PDXDC1: variants seen among roughly 807,000 people sequenced by gnomAD.
PDXDC1 encodes the protein pyridoxal-dependent decarboxylase domain-containing protein 1.
In PDXDC1, 42 loss-of-function variants were observed where a neutral mutation model predicts 100.1. That is an observed-to-expected ratio of 0.42 (90% CI 0.33 to 0.54). PDXDC1 has a LOEUF of 0.54. Among genes scored for constraint, PDXDC1 ranks in the 20% least tolerant of loss-of-function variants. The pLI is 0.10. For missense variants in PDXDC1, 636 were observed against 979.2 expected, an observed-to-expected ratio of 0.65 and a Z score of 4.68; for synonymous variants, 260 against 371.7, an observed-to-expected ratio of 0.70 and a Z score of 3.46.
At chr16:15,145,168 G>A in the PDXDC1 span, among the ~76,000 whole-genome samples, 2 of 152,216 alleles carry the variant, frequency 1.3e-5, no homozygotes, top group Admixed American at 6.5e-5. Context: ...AGCCAAGGTA[G>A]GAAGAGGGTG....
chr16:15,048,822 C>G (rs1176819510), intron 16 of PDXDC1, among the ~76,000 whole-genome samples: 1 of 151,500 alleles, frequency 6.6e-6, no homozygotes, highest in Non-Finnish European at 1.5e-5. Context: ...CGGGGTCTCC[C>G]TATGCTCCCC....
intron 13 of PDXDC1, among the ~76,000 whole-genome samples, chr16:15,023,118 C>G (rs1240843925): frequency 1.3e-5 from 2 of 152,300 alleles, no homozygotes; most frequent in African/African-American, 4.8e-5. Context: ...CTTTGTGCCT[C>G]AGAATGCTTT....
intron 1 of PDXDC1, chr16:14,976,692 G>C (rs1210954973): frequency 1.3e-5 from 2 of 152,624 alleles, no homozygotes; most frequent in Middle Eastern, 3.4e-3. Context: ...TGTCACAATG[G>C]GGGCAGGGAG....
Position 15,061,943 on chromosome 16 carries a change from T to C in PDXDC1, c.1399+31887T>C, listed in dbSNP as rs2044731712. On this transcript the variant is annotated intron_variant, in intron 16 of 16. Coordinates refer to the PDXDC1 transcript ENST00000535621. ...CAGAAATCATCAGTAACATCACCAGTGCTGACTGAAAAGCTTTCAACAATT... is the reference window on the plus strand; with the variant it reads ...CAGAAATCATCAGTAACATCACCAGCGCTGACTGAAAAGCTTTCAACAATT... The C allele has an allele frequency of 3.2e-6, 5 of 1,571,588 alleles. No homozygotes were observed. In the East Asian group the frequency reaches 9.1e-5, roughly 29 times the overall value.
Position 15,037,501 on chromosome 16 carries a change from TAAAC to T in PDXDC1, c.*1228_*1231del, listed in dbSNP as rs945201162. On this transcript the variant is annotated 3_prime_UTR_variant, in exon 23 of 23. Coordinates refer to ENST00000396410, the MANE Select transcript of PDXDC1 (RefSeq NM_015027.4). The stretch of plus-strand genomic sequence containing the variant: ...GGGGGTTTTTTTTGGTGCAGATGAT[TAAAC>T]AGTCTTCCCTATTTGGTGCAATGAA... 1 of 152,532 alleles carries T rather than the reference TAAAC, an allele frequency of 6.6e-6. No homozygotes were observed. Among genetic ancestry groups the T allele is most frequent in the African/African-American group, 2.4e-5 (1 of 41,448 alleles). The allele number at this position is 152,532 out of a possible 1,614,324, so 9.4% of individuals were successfully genotyped here. A position where few individuals can be genotyped will look rare whatever the true frequency, so the allele number is the denominator to read the frequency against.
intron 1 of PDXDC1, 116 bp from the exon 2 acceptor site, chr16:14,997,637 C>T (rs1400135083): frequency 3.4e-6 from 4 of 1,174,116 alleles, no homozygotes; most frequent in Non-Finnish European, 4.7e-6. Context: ...GTTTTAAAAT[C>T]ATGTATTTCA....
intron 6 of PDXDC1, 123 bp downstream of exon 6, chr16:15,006,706 G>A: frequency 2.1e-6 from 2 of 964,362 alleles, no homozygotes; most frequent in Middle Eastern, 2.7e-4. Context: ...GGTCTTATAT[G>A]CTTTTGTCAT....
At chr16:15,085,697 G>C in intron 16 of PDXDC1, 3 of 1,612,976 alleles carry the variant, frequency 1.9e-6, no homozygotes, top group Non-Finnish European at 2.5e-6. Flanking sequence ...TGATCACTCG[G>C]GCTTTTGAGG....
the PDXDC1 span, among the ~76,000 whole-genome samples, chr16:15,149,324 G>A: frequency 1.3e-5 from 2 of 152,314 alleles, no homozygotes; most frequent in African/African-American, 4.8e-5. Flanking sequence ...TTTGTTGAAC[G>A]CGGGCTCCAG....
At chr16:15,062,271 G>A (rs1246125645) in intron 16 of PDXDC1, among the ~76,000 whole-genome samples, 2 of 152,180 alleles carry the variant, frequency 1.3e-5, no homozygotes, top group African/African-American at 2.4e-5. Context: ...AAACAGATTT[G>A]AAGCTCAATG....
intron 4 of PDXDC1, among the ~76,000 whole-genome samples, chr16:15,002,863 TAA>T (rs1973455604): frequency 6.6e-6 from 1 of 152,182 alleles, no homozygotes; most frequent in African/African-American, 2.4e-5. Context: ...AGAAATCTGA[TAA>T]GTGAGAAATG....
At chr16:15,049,798 G>C (rs1021065307) in intron 16 of PDXDC1, among the ~76,000 whole-genome samples, 3 of 152,202 alleles carry the variant, frequency 2.0e-5, no homozygotes, top group Non-Finnish European at 2.9e-5. Context: ...ACAGAACCAA[G>C]TCACAGCCAC....
chr16:15,034,994 C>T lies in PDXDC1; in HGVS notation c.2002+441C>T, dbSNP rs561496431. Among the ~76,000 whole-genome samples, 19 of 152,302 alleles carry T rather than the reference C, an allele frequency of 1.2e-4. No homozygotes were observed. The East Asian group carries it at 1.4e-3, about 11-fold the overall frequency. ...CCAGGCAGCCAGCAAGCGTTTCAGC[C>T]GCTGGAATGTGGGGAGGGTGTTAAC... On this transcript the variant is annotated intron_variant, in intron 21 of 22. Transcript: ENST00000396410.
intron 16 of PDXDC1, chr16:15,047,534 G>C: frequency 6.2e-7 from 1 of 1,613,478 alleles, no homozygotes; most frequent in Non-Finnish European, 8.5e-7. Context: ...AATGTGTCAA[G>C]CAGGTGGCCC....
downstream of PDXDC1, chr16:15,041,016 T>C (rs2043791118): frequency 2.4e-6 from 3 of 1,253,688 alleles, no homozygotes; most frequent in Non-Finnish European, 3.5e-6. Flanking sequence ...AATTAGACTT[T>C]AACTGCACAT....
chr16:15,137,255 G>C lies in PDXDC1; in HGVS notation c.1400-1624G>C, dbSNP rs1325121976. 7.4e-6 allele frequency: 6 copies of C among 811,952 alleles called. No homozygotes were observed. In the Admixed American group the frequency reaches 1.4e-4, roughly 19 times the overall value. The allele number at this position is 811,952 out of a possible 1,614,324, so 50.3% of individuals were successfully genotyped here. A position where few individuals can be genotyped will look rare whatever the true frequency, so the allele number is the denominator to read the frequency against. ...GGGCCCCACCAGGGGGGCCCCTGGGGAGGCAGGGAAGACGTGCTGGAGGAG... is the reference window on the plus strand; with the variant it reads ...GGGCCCCACCAGGGGGGCCCCTGGGCAGGCAGGGAAGACGTGCTGGAGGAG... On this transcript the variant is annotated intron_variant, in intron 16 of 16. Coordinates refer to the PDXDC1 transcript ENST00000535621.
At chr16:15,015,760 A>C (rs2041746404) in intron 8 of PDXDC1, 2 of 355,648 alleles carry the variant, frequency 5.6e-6, no homozygotes, top group African/African-American at 4.4e-5. Flanking sequence ...ACATAACTTT[A>C]AAATATATAA....
At chr16:14,988,786 C>T in intron 1 of PDXDC1, 1 of 1,613,900 alleles carries the variant, frequency 6.2e-7, no homozygotes, top group Non-Finnish European at 8.5e-7. Context: ...AACTGCAGCC[C>T]CCCGAAGCTG....
Position 15,092,382 on chromosome 16 carries a change from A to G in PDXDC1, c.1400-46497A>G, listed in dbSNP as rs868010368. ...AATTTTGCACTGACGGCATCATGCT[A>G]TTATTAAATATTTGATTTCAACTGG... On this transcript the variant is annotated intron_variant, in intron 16 of 16. Transcript: ENST00000535621. 1.6e-4 allele frequency: 111 copies of G among 680,294 alleles called. 2 individuals are homozygous for G. The highest frequency in any genetic ancestry group is 1.2e-3 in the South Asian group (71 of 59,716). 42.1% of individuals were successfully genotyped at this position (680,294 alleles called of 1,614,324 possible).
Sources: gnomAD v4.1 joint callset for allele counts (sites outside exome capture counted in the v4.1 genomes callset) on GRCh38, gnomAD v4.1.1 for gene constraint, MANE v1.5 for transcripts, NCBI Gene and HGNC (gene_info 2026-07-23, HGNC 2026-07-21) for gene names.